The following DICER1 variants were observed in gnomAD, a reference collection of about 807,000 sequenced individuals.
The protein encoded by DICER1 is endoribonuclease Dicer.
In DICER1, 43 loss-of-function variants were observed where a neutral mutation model predicts 194.1. The observed-to-expected ratio is 0.22, with a 90% CI of 0.17 to 0.29. The LOEUF is 0.29. DICER1 is among the 10% of genes least tolerant of loss of function. DICER1 has a pLI of 1.00. For synonymous variants in DICER1, 832 were observed against 820.5 expected (o/e 1.01, Z -0.24); for missense variants, 1,608 against 2,317.0 (o/e 0.69, Z 6.28).
chr14:95,149,648 T>C (rs1158148588), intron 1 of DICER1, among the ~76,000 whole-genome samples: 2 of 152,206 alleles, frequency 1.3e-5, no homozygotes, highest in Admixed American at 6.5e-5. Flanking sequence ...TCATATTACA[T>C]AGTTCATGAT....
In DICER1 at chr14:95,093,943, T is replaced by C; in HGVS notation, c.5309A>G (p.Asp1770Gly). 6.2e-7 allele frequency: 1 copy of C among 1,614,156 alleles called. No homozygotes were observed. The highest frequency in any genetic ancestry group is 8.5e-7 in the Non-Finnish European group (1 of 1,180,016). Residue 1770 changes from aspartate (D) to glycine (G), a missense_variant, in exon 24 of 27, where the codon GAT becomes GGT. Asp to Gly is a moderately conservative substitution (Grantham distance 94). Transcript: ENST00000343455. ...CTCAAGCTGAAACTGCACAAAGTCA[T>C]CAATGACATGGAAGAGCTCAGGAGA... Reference protein sequence around the residue: ...AVSPELFHVIDDFVQFQLEKN... With the variant: ...AVSPELFHVIGDFVQFQLEKN...
rs141919532 is a variant in DICER1, at chr14:95,087,836, G to A, written c.*2662C>T. On this transcript the variant is annotated 3_prime_UTR_variant, in exon 27 of 27. Transcript: ENST00000343455. ...GGGCACAACCACACCCCACTGGTAG[G>A]TTTTCCATATTACATTCGGTCTCAC... is the stretch of plus-strand genomic sequence containing the variant. 1.1e-4 allele frequency: 26 copies of A among 233,198 alleles called. No homozygotes were observed. The highest frequency in any genetic ancestry group is 2.1e-4 in the Non-Finnish European group (25 of 118,032). 14.4% of individuals were successfully genotyped at this position (233,198 alleles called of 1,614,324 possible).
Position 95,124,600 on chromosome 14 carries a change from C to G in DICER1, c.972G>C (p.Met324Ile). 6.2e-7 allele frequency: 1 copy of G among 1,613,770 alleles called. No homozygotes were observed. The highest frequency in any genetic ancestry group is 8.5e-7 in the Non-Finnish European group (1 of 1,180,028). ...TGTATTTCTGTAGTTCTCTTACCAT[C>G]ATTCCAGCTACTTTATCTGCACACC... The part of the protein sequence containing the change: ...GPWCADKVAG[M>I]MVRELQKYIK... The change falls in exon 8 of 27, where the codon ATG becomes ATC. Residue 324 changes from methionine (M) to isoleucine (I), a missense_variant. Coordinates refer to ENST00000343455, the MANE Select transcript of DICER1 (RefSeq NM_177438.3). The surrounding 1 kb of genome is among the most constrained non-coding windows in gnomAD (Gnocchi z 4.5).
intron 4 of DICER1, 139 bp downstream of exon 4, chr14:95,131,370 A>C: frequency 3.8e-6 from 3 of 792,228 alleles, no homozygotes; most frequent in Non-Finnish European, 6.4e-6. Context: ...ATAGTACATC[A>C]GGACTAGCTT....
At chr14:95,117,559 T>TGGGC in intron 9 of DICER1, 63 bp downstream of exon 9, 1 of 1,555,874 alleles carries the variant, frequency 6.4e-7, no homozygotes, top group South Asian at 1.1e-5. Flanking sequence ...GGAGACCCTA[T>TGGGC]GGGCACTTTG....
At position 95,086,788 on chromosome 14, in the gene DICER1, TATAAA is replaced by T; in HGVS notation, c.*3705_*3709del. 1 of 232,428 alleles carries T rather than the reference TATAAA, an allele frequency of 4.3e-6. No individual in the cohort carries two copies. Among genetic ancestry groups the T allele is most frequent in the Non-Finnish European group, 8.5e-6 (1 of 117,598 alleles). The allele number at this position is 232,428 out of a possible 1,614,324, so 14.4% of individuals were successfully genotyped here. On this transcript the variant is annotated 3_prime_UTR_variant, in exon 27 of 27. Coordinates refer to ENST00000343455, the MANE Select transcript of DICER1 (RefSeq NM_177438.3). ...TATCTTTAAAACTTTTCATGTACAA[TATAAA>T]ATAAAGAAATTTATCTGGAAATAAT...
chr14:95,088,925 T>A lies in DICER1; in HGVS notation c.*1573A>T, dbSNP rs1281573015. On this transcript the variant is annotated 3_prime_UTR_variant, in exon 27 of 27. Coordinates refer to ENST00000343455, the MANE Select transcript of DICER1 (RefSeq NM_177438.3). ...AATATGAGACACCTCTGCTCAGCTT[T>A]CTTAAACTTCAAGCATAATTAACGG... The A allele has an allele frequency of 4.3e-6, 1 of 233,538 alleles. No individual in the cohort carries two copies. Among genetic ancestry groups the A allele is most frequent in the Non-Finnish European group, 8.5e-6 (1 of 118,060 alleles). The allele number at this position is 233,538 out of a possible 1,614,324, so 14.5% of individuals were successfully genotyped here. A position where few individuals can be genotyped will look rare whatever the true frequency, so the allele number is the denominator to read the frequency against.
In DICER1 at chr14:95,103,725, C is replaced by T. The variant is rs1555369495; in HGVS notation, c.3671G>A (p.Ser1224Asn). Residue 1224 changes from serine (S) to asparagine (N), a missense_variant, in exon 21 of 27, where the codon AGT becomes AAT. By Grantham distance (46) the Ser-to-Asn change is conservative. This residue lies in a region of DICER1 where 222 missense variants were observed against 215.5 expected (regional missense o/e 1.03). Transcript: ENST00000343455. ...GCTGGGCTGGGGCTGGTTCTCGTAA[C>T]TGTATAAATTCTGAATGGAATATGA... ...TTSYSIQNLY[S>N]YENQPQPSDE... 2 of 1,614,158 alleles carry T rather than the reference C, an allele frequency of 1.2e-6. No individual in the cohort carries two copies. Among genetic ancestry groups the T allele is most frequent in the Non-Finnish European group, 1.7e-6 (2 of 1,180,038 alleles).
intron 1 of DICER1, among the ~76,000 whole-genome samples, chr14:95,134,726 T>C (rs1293850408): frequency 1.3e-5 from 2 of 152,198 alleles, no homozygotes; most frequent in Non-Finnish European, 2.9e-5. Flanking sequence ...AAGTAAGCAG[T>C]GCAGGGGCAC....
chr14:95,139,115 G>C (rs1448240790), intron 1 of DICER1, among the ~76,000 whole-genome samples: 1 of 151,890 alleles, frequency 6.6e-6, no homozygotes, highest in Non-Finnish European at 1.5e-5. Flanking sequence ...CATCCTCCCT[G>C]ACTGACCAAC....
intron 11 of DICER1, among the ~76,000 whole-genome samples, chr14:95,113,801 C>A (rs1394766477): frequency 1.3e-5 from 2 of 152,198 alleles, no homozygotes; most frequent in African/African-American, 4.8e-5. Flanking sequence ...ACAGGACCCA[C>A]ATCAGGAGGG....
intron 8 of DICER1, among the ~76,000 whole-genome samples, chr14:95,123,322 C>T (rs1410935010): frequency 1.3e-5 from 2 of 152,116 alleles, no homozygotes; most frequent in South Asian, 2.1e-4. Context: ...TAGAACTTTC[C>T]CCAACATTCT....
intron 6 of DICER1, among the ~76,000 whole-genome samples, chr14:95,127,446 G>A (rs1893572063): frequency 6.6e-6 from 1 of 152,128 alleles, no homozygotes; most frequent in African/African-American, 2.4e-5. Flanking sequence ...TCAGATTTTG[G>A]AATATTTGCA....
Position 95,108,338 on chromosome 14 carries a change from T to C in DICER1, c.2422A>G (p.Lys808Glu). 1 of 1,614,158 alleles carries C rather than the reference T, an allele frequency of 6.2e-7. No individual in the cohort carries two copies. Among genetic ancestry groups the C allele is most frequent in the Non-Finnish European group, 8.5e-7 (1 of 1,180,014 alleles). Residue 808 changes from lysine (K) to glutamate (E), a missense_variant, in exon 15 of 27, where the codon AAA becomes GAA. Physicochemically the swap from Lys to Glu is moderately conservative, Grantham distance 56. Coordinates refer to ENST00000343455, the MANE Select transcript of DICER1 (RefSeq NM_177438.3). ...GAAATACCTACCTGAGGTATGGGTT[T>C]GGCCGTCAGTATTCCAAAGCATCTT... is the stretch of plus-strand genomic sequence containing the variant. ...TTRCFGILTA[K>E]PIPQIPHFPV...
At chr14:95,131,753 C>T (rs1227349991) in intron 3 of DICER1, 114 bp from the exon 4 acceptor site, 1 of 1,031,774 alleles carries the variant, frequency 9.7e-7, no homozygotes, top group Non-Finnish European at 1.5e-6. Context: ...TAGACCTAAC[C>T]AACAATGTTT....
rs769490774 is a variant in DICER1 at position 95,090,645 on chromosome 14, G to A, written c.5622C>T (p.Tyr1874=). ...CCACAGTGACTCTGACCTTCCCGTC[G>A]TAAGTTCTCTCAGCCGGGCTGTAAA... ...TAKFSPAERT[Y]DGKVRVTVEV... is the part of the protein sequence containing the mutation. Residue 1874 remains tyrosine (Y), a synonymous_variant, in exon 27 of 27, where the codon TAC becomes TAT. Coordinates refer to ENST00000343455, the MANE Select transcript of DICER1 (RefSeq NM_177438.3). 1.2e-5 allele frequency: 20 copies of A among 1,613,920 alleles called. No homozygotes were observed. In the East Asian group the frequency reaches 1.8e-4, roughly 14 times the overall value.
At chr14:95,101,250 C>T (rs17091819) in intron 21 of DICER1, among the ~76,000 whole-genome samples, 1,778 of 152,252 alleles carry the variant, frequency 0.012, 41 homozygotes, top group African/African-American at 0.04. Flanking sequence ...GGATCCAAAA[C>T]GCATCAGGGC....
At chr14:95,114,202 C>T (rs767880472) in intron 11 of DICER1, among the ~76,000 whole-genome samples, 18 of 152,158 alleles carry the variant, frequency 1.2e-4, no homozygotes, top group East Asian at 7.7e-4. Context: ...CCACTAAATT[C>T]GAGGAAATTG....
chr14:95,110,314 C>A (rs1354993134), intron 14 of DICER1, among the ~76,000 whole-genome samples: 2 of 152,232 alleles, frequency 1.3e-5, no homozygotes, highest in Admixed American at 1.3e-4. Flanking sequence ...CAGCTCAGGG[C>A]CCCATGCAGG....
Sources: gnomAD v4.1 joint callset for allele counts (sites outside exome capture counted in the v4.1 genomes callset) on GRCh38, gnomAD v4.1.1 for gene constraint, gnomAD v4.1.1 regional missense constraint, Gnocchi (gnomAD v3.1) non-coding constraint, MANE v1.5 for transcripts, NCBI Gene and HGNC (gene_info 2026-07-23, HGNC 2026-07-21) for gene names.